CERS6: variants seen among roughly 807,000 people sequenced by gnomAD.
CERS6 encodes ceramide synthase 6, also known as LAG1 homolog, ceramide synthase 6.
In CERS6, 26 loss-of-function variants were observed where a neutral mutation model predicts 56.8. The observed-to-expected ratio is 0.46, with a 90% CI of 0.34 to 0.63. The LOEUF (loss-of-function observed/expected upper bound fraction) is 0.63, where lower values mean the gene tolerates loss of function less well. Among genes scored for constraint, CERS6 ranks in the 30% least tolerant of loss-of-function variants. The pLI is 0.01. For synonymous variants in CERS6, 164 were observed against 173.3 expected, an observed-to-expected ratio of 0.95 and a Z score of 0.42; for missense variants, 415 against 467.5, an observed-to-expected ratio of 0.89 and a Z score of 1.04.
At chr2:168,761,804 T>A (rs1226683315) in intron 8 of CERS6, among the ~76,000 whole-genome samples, 1 of 152,184 alleles carries the variant, frequency 6.6e-6, no homozygotes, top group African/African-American at 2.4e-5. Flanking sequence ...AAGAGATAAC[T>A]GCTTCTTCGG....
chr2:168,514,273 A>G (rs1359738634), intron 1 of CERS6, among the ~76,000 whole-genome samples: 2 of 152,234 alleles, frequency 1.3e-5, no homozygotes, highest in Non-Finnish European at 2.9e-5. Context: ...TGCTGGAAAG[A>G]TAGACCTGCT....
intron 1 of CERS6, among the ~76,000 whole-genome samples, chr2:168,469,360 T>C (rs1410899072): frequency 6.6e-6 from 1 of 152,176 alleles, no homozygotes; most frequent in Non-Finnish European, 1.5e-5. Flanking sequence ...GTTAGAGACA[T>C]CTTAGGGTGA....
At chr2:168,602,436 T>C (rs1193050977) in intron 3 of CERS6, among the ~76,000 whole-genome samples, 4 of 152,238 alleles carry the variant, frequency 2.6e-5, no homozygotes, top group African/African-American at 9.6e-5. Flanking sequence ...TCCAAGTCTT[T>C]ATAGCTTTAA....
chr2:168,667,865 T>C (rs1211358447), intron 4 of CERS6, among the ~76,000 whole-genome samples: 1 of 152,158 alleles, frequency 6.6e-6, no homozygotes, highest in Non-Finnish European at 1.5e-5. Flanking sequence ...TGGATACATA[T>C]TGTGAAAGAA....
chr2:168,717,490 G>C (rs1249776360), intron 7 of CERS6, among the ~76,000 whole-genome samples: 1 of 152,160 alleles, frequency 6.6e-6, no homozygotes, highest in African/African-American at 2.4e-5. Context: ...CAGCACTTCT[G>C]TTTGAACTGT....
At chr2:168,676,019 T>G (rs1281417962) in intron 4 of CERS6, among the ~76,000 whole-genome samples, 1 of 152,092 alleles carries the variant, frequency 6.6e-6, no homozygotes, top group Non-Finnish European at 1.5e-5. Context: ...AAATCAGAGA[T>G]TTTTGCAGTT....
chr2:168,577,971 C>T (rs765671227), intron 3 of CERS6, among the ~76,000 whole-genome samples: 30 of 152,134 alleles, frequency 2.0e-4, no homozygotes, highest in Non-Finnish European at 4.1e-4. Context: ...CAGTAGGGTG[C>T]GGTCACTCAC....
chr2:168,535,739 T>G (rs191960427), intron 1 of CERS6, among the ~76,000 whole-genome samples: 14 of 149,008 alleles, frequency 9.4e-5, no homozygotes, highest in African/African-American at 3.5e-4. Flanking sequence ...TGTTACTTAT[T>G]TCTGTATACT....
At chr2:168,531,237 A>G (rs1182931141) in intron 1 of CERS6, among the ~76,000 whole-genome samples, 1 of 152,216 alleles carries the variant, frequency 6.6e-6, no homozygotes, top group African/African-American at 2.4e-5. Flanking sequence ...TTTCAGCAAG[A>G]AGGAATGACA....
chr2:168,670,767 A>G (rs1685887333), intron 4 of CERS6, among the ~76,000 whole-genome samples: 1 of 152,070 alleles, frequency 6.6e-6, no homozygotes, highest in African/African-American at 2.4e-5. Flanking sequence ...CTTTCCTGCT[A>G]CCTGCTGTCC....
At chr2:168,632,111 C>G (rs921964437) in intron 4 of CERS6, among the ~76,000 whole-genome samples, 3 of 151,610 alleles carry the variant, frequency 2.0e-5, no homozygotes, top group African/African-American at 7.3e-5. Context: ...ACTGGAACTA[C>G]TGTCGGGTTA....
At chr2:168,543,641 A>G (rs1695412836) in intron 1 of CERS6, among the ~76,000 whole-genome samples, 1 of 152,172 alleles carries the variant, frequency 6.6e-6, no homozygotes, top group Admixed American at 6.5e-5. Flanking sequence ...ATAATCAGTA[A>G]TACCTATTTG....
intron 1 of CERS6, among the ~76,000 whole-genome samples, chr2:168,545,985 T>G (rs1695459107): frequency 6.6e-6 from 1 of 152,136 alleles, no homozygotes; most frequent in South Asian, 2.1e-4. Flanking sequence ...CCAAATGCAT[T>G]TTGTGGTCTT....
intron 8 of CERS6, among the ~76,000 whole-genome samples, chr2:168,758,564 A>T (rs920895710): frequency 6.6e-6 from 1 of 152,334 alleles, no homozygotes. Context: ...CATCAAAAAC[A>T]TGCACCTGTA....
At chr2:168,755,451 A>G (rs1360704157) in intron 8 of CERS6, among the ~76,000 whole-genome samples, 2 of 152,184 alleles carry the variant, frequency 1.3e-5, no homozygotes, top group Admixed American at 6.5e-5. Context: ...ATAAAGATGG[A>G]TACTGTGTGC....
At chr2:168,671,196 A>T (rs932256618) in intron 4 of CERS6, among the ~76,000 whole-genome samples, 1 of 151,612 alleles carries the variant, frequency 6.6e-6, no homozygotes, top group African/African-American at 2.4e-5. Context: ...CCATCTCCTG[A>T]CCTCATGATC....
At chr2:168,723,061 G>A (rs1035948720) in intron 8 of CERS6, among the ~76,000 whole-genome samples, 1 of 152,198 alleles carries the variant, frequency 6.6e-6, no homozygotes, top group Admixed American at 6.5e-5. Flanking sequence ...GATAAAGAAA[G>A]TGGCAACTCC....
chr2:168,588,368 T>C (rs1285862939), intron 3 of CERS6, among the ~76,000 whole-genome samples: 1 of 152,134 alleles, frequency 6.6e-6, no homozygotes, highest in Non-Finnish European at 1.5e-5. Flanking sequence ...ACTCTTTTTA[T>C]CTTGCAAAAC....
intron 4 of CERS6, among the ~76,000 whole-genome samples, chr2:168,675,043 G>A (rs1463392810): frequency 1.3e-5 from 2 of 151,748 alleles, no homozygotes; most frequent in Non-Finnish European, 2.9e-5. Flanking sequence ...TGGCGTAATC[G>A]GCTCACTACA....
Sources: allele counts gnomAD v4.1 joint callset (sites outside exome capture counted in the v4.1 genomes callset), GRCh38; gene constraint gnomAD v4.1.1; transcripts MANE v1.5; gene names NCBI Gene and HGNC (gene_info 2026-07-23, HGNC 2026-07-21).